PDE4D: variants seen among roughly 807,000 people sequenced by gnomAD.
PDE4D encodes the protein 3',5'-cyclic-AMP phosphodiesterase 4D.
In PDE4D, 24 loss-of-function variants were observed where a neutral mutation model predicts 87.4. The ratio of observed to expected loss-of-function variants is 0.27; its 90% CI spans 0.20 to 0.39. The LOEUF is 0.39. PDE4D is among the 10% of genes least tolerant of loss of function. PDE4D has a pLI of 1.00. For synonymous variants in PDE4D, 384 were observed against 383.2 expected (o/e 1.00, Z -0.02); for missense variants, 714 against 1,041.0 (o/e 0.69, Z 4.32).
intron 2 of PDE4D, among the ~76,000 whole-genome samples, chr5:59,989,935 G>A (rs1267015244): frequency 6.6e-6 from 1 of 152,084 alleles, no homozygotes; most frequent in Non-Finnish European, 1.5e-5. Context: ...TTATAAAAAT[G>A]GGACTAATAT....
chr5:59,020,580 A>G (rs1754960934), intron 6 of PDE4D, among the ~76,000 whole-genome samples: 1 of 152,206 alleles, frequency 6.6e-6, no homozygotes, highest in South Asian at 2.1e-4. Flanking sequence ...CCTTGACAAA[A>G]TAACTTTTCT....
chr5:60,412,851 C>T (rs2150069376), intron 1 of PDE4D, among the ~76,000 whole-genome samples: 1 of 152,174 alleles, frequency 6.6e-6, no homozygotes, highest in South Asian at 2.1e-4. Flanking sequence ...TTTCCTATAA[C>T]CCTTACAACA....
chr5:59,019,012 T>C (rs1476215425), intron 6 of PDE4D, among the ~76,000 whole-genome samples: 2 of 151,618 alleles, frequency 1.3e-5, no homozygotes, highest in Admixed American at 6.6e-5. Context: ...TCCGCTTAGA[T>C]ACATAGCCTT....
chr5:60,222,645 ATAGT>A (rs370795458), intron 1 of PDE4D, among the ~76,000 whole-genome samples: 893 of 152,264 alleles, frequency 5.9e-3, no homozygotes, highest in African/African-American at 0.021. Context: ...AATACATGGC[ATAGT>A]TAGTCTTTTT....
intron 1 of PDE4D, among the ~76,000 whole-genome samples, chr5:59,357,948 G>A (rs995794094): frequency 4.6e-5 from 7 of 152,188 alleles, no homozygotes; most frequent in Non-Finnish European, 1.0e-4. Flanking sequence ...GAGGCTTCAA[G>A]TGCCCAAGAG....
At chr5:59,464,022 T>A (rs1276563986) in intron 1 of PDE4D, among the ~76,000 whole-genome samples, 1 of 152,220 alleles carries the variant, frequency 6.6e-6, no homozygotes, top group Non-Finnish European at 1.5e-5. Flanking sequence ...GAAGGCAGCA[T>A]GCTCCTTAAG....
At chr5:59,763,404 CTT>C (rs200767717) in intron 1 of PDE4D, among the ~76,000 whole-genome samples, 4,413 of 151,998 alleles carry the variant, frequency 0.029, 207 homozygotes, top group African/African-American at 0.093. Flanking sequence ...AAAATTATAA[CTT>C]AAGTGATTAT....
At chr5:60,495,783 C>A (rs1749783285) in intron 1 of PDE4D, among the ~76,000 whole-genome samples, 1 of 152,182 alleles carries the variant, frequency 6.6e-6, no homozygotes, top group African/African-American at 2.4e-5. Flanking sequence ...ATCTCTTGAG[C>A]CCTAATTATC....
intron 1 of PDE4D, among the ~76,000 whole-genome samples, chr5:60,242,671 C>T (rs77216748): frequency 6.6e-6 from 1 of 152,036 alleles, no homozygotes; most frequent in African/African-American, 2.4e-5. Context: ...GAAATTAAAA[C>T]AAGAGGAATT....
chr5:60,384,380 A>G (rs779198836), intron 1 of PDE4D, among the ~76,000 whole-genome samples: 61 of 152,226 alleles, frequency 4.0e-4, no homozygotes, highest in Non-Finnish European at 7.3e-4. Context: ...TAATAAAACT[A>G]AATGTCTTAA....
At chr5:60,392,607 T>G (rs1411112748) in intron 1 of PDE4D, among the ~76,000 whole-genome samples, 2 of 152,210 alleles carry the variant, frequency 1.3e-5, no homozygotes, top group African/African-American at 4.8e-5. Flanking sequence ...ATTAATAAGC[T>G]AATACACCAA....
chr5:59,925,837 A>G lies in PDE4D; in HGVS notation c.272+62651T>C, dbSNP rs1755198566. Among the ~76,000 whole-genome samples the G allele has an allele frequency of 3.3e-5, 5 of 152,206 alleles. No homozygotes were observed. The South Asian group carries it at 1.0e-3, about 31-fold the overall frequency. ...ATATAAGAATTGTAAATATATATGC[A>G]CTCAACACTAGAGCATCCACATATA... On this transcript the variant is annotated intron_variant, in intron 3 of 16. Transcript: ENST00000502484.
intron 1 of PDE4D, among the ~76,000 whole-genome samples, chr5:60,235,534 C>G (rs1397809681): frequency 6.6e-6 from 1 of 151,716 alleles, no homozygotes; most frequent in Non-Finnish European, 1.5e-5. Context: ...AGCCTAGATC[C>G]CGCTCCACAT....
chr5:59,287,329 T>C (rs9686434), intron 1 of PDE4D, among the ~76,000 whole-genome samples: 16,524 of 151,428 alleles, frequency 0.11, 972 homozygotes, highest in Middle Eastern at 0.15. Context: ...CTCCTCTGCT[T>C]GTGGAAAGGA....
intron 1 of PDE4D, among the ~76,000 whole-genome samples, chr5:59,511,190 C>A (rs1318882623): frequency 1.3e-5 from 2 of 151,782 alleles, no homozygotes; most frequent in Admixed American, 1.3e-4. Flanking sequence ...CTAGAGCCAT[C>A]ATTTCTAATA....
intron 1 of PDE4D, among the ~76,000 whole-genome samples, chr5:60,214,062 A>G (rs1743562469): frequency 6.6e-6 from 1 of 152,210 alleles, no homozygotes; most frequent in African/African-American, 2.4e-5. Flanking sequence ...TCAATTTACG[A>G]ACCATTGCAG....
intron 1 of PDE4D, among the ~76,000 whole-genome samples, chr5:60,282,782 T>C (rs562719723): frequency 6.8e-4 from 103 of 152,278 alleles, no homozygotes; most frequent in African/African-American, 2.4e-3. Context: ...CCACTACATA[T>C]GAGTTATTTG....
At chr5:58,985,680 GC>G (rs1561236305) in intron 11 of PDE4D, among the ~76,000 whole-genome samples, 5 of 152,188 alleles carry the variant, frequency 3.3e-5, no homozygotes, top group Non-Finnish European at 7.3e-5. Flanking sequence ...GGACAGGATG[GC>G]AGCTCCAGCT....
At chr5:59,086,517 T>C (rs2153426143) in intron 5 of PDE4D, among the ~76,000 whole-genome samples, 1 of 152,258 alleles carries the variant, frequency 6.6e-6, no homozygotes, top group South Asian at 2.1e-4. Flanking sequence ...TTTGTTTTTT[T>C]AGTCTACTCA....
Sources: allele counts gnomAD v4.1 joint callset (sites outside exome capture counted in the v4.1 genomes callset), GRCh38; gene constraint gnomAD v4.1.1; transcripts MANE v1.5; gene names NCBI Gene and HGNC (gene_info 2026-07-23, HGNC 2026-07-21).